SBF2: variants seen among roughly 807,000 people sequenced by gnomAD.
The protein encoded by SBF2 is SET binding factor 2.
In SBF2, 112 loss-of-function variants were observed where a neutral mutation model predicts 225.2. The observed-to-expected ratio is 0.50, with a 90% confidence interval of 0.43 to 0.58. The LOEUF is 0.58. Among genes scored for constraint, SBF2 ranks in the 20% least tolerant of loss-of-function variants. SBF2 has a pLI of 0.00. For synonymous variants in SBF2, 763 were observed against 773.3 expected (o/e 0.99, Z 0.22); for missense variants, 1,996 against 2,206.2 (o/e 0.90, Z 1.91).
intron 5 of SBF2, 91 bp from the exon 6 acceptor site, chr11:10,028,648 A>T (rs1949136232): frequency 3.5e-6 from 3 of 852,774 alleles, no homozygotes; most frequent in Non-Finnish European, 6.0e-6. Flanking sequence ...TTTTTAGAGC[A>T]AACGACCATG....
At chr11:9,904,211 A>G (rs1861949080) in intron 16 of SBF2, among the ~76,000 whole-genome samples, 1 of 151,734 alleles carries the variant, frequency 6.6e-6, no homozygotes, top group African/African-American at 2.4e-5. Context: ...TATAAACAAC[A>G]TATATATATA....
At chr11:10,036,535 C>A (rs901205898) in intron 3 of SBF2, among the ~76,000 whole-genome samples, 1 of 152,078 alleles carries the variant, frequency 6.6e-6, no homozygotes, top group Non-Finnish European at 1.5e-5. Flanking sequence ...ATATAGTTAA[C>A]ATGACAGAAT....
intron 2 of SBF2, among the ~76,000 whole-genome samples, chr11:10,081,317 T>A (rs1218612945): frequency 6.6e-6 from 1 of 152,146 alleles, no homozygotes. Context: ...AATATGCTCC[T>A]GAATGATCTA....
At chr11:9,922,241 C>T (rs1441156999) in intron 16 of SBF2, among the ~76,000 whole-genome samples, 2 of 151,854 alleles carry the variant, frequency 1.3e-5, no homozygotes, top group African/African-American at 4.8e-5. Context: ...CAGAGCAAGA[C>T]TCTGTCTCAA....
At chr11:10,002,820 T>C (rs898904996) in intron 6 of SBF2, 131 bp from the exon 7 acceptor site, 2 of 821,980 alleles carry the variant, frequency 2.4e-6, no homozygotes, top group Non-Finnish European at 4.1e-6. Context: ...TTGGTTAAAC[T>C]GTAAATTCCA....
chr11:10,170,059 A>G (rs1159511216), intron 2 of SBF2, among the ~76,000 whole-genome samples: 1 of 151,690 alleles, frequency 6.6e-6, no homozygotes, highest in Non-Finnish European at 1.5e-5. Flanking sequence ...CAGTTGTTTG[A>G]GCTCCTTATA....
intron 2 of SBF2, among the ~76,000 whole-genome samples, chr11:10,097,512 T>G (rs375033660): frequency 9.9e-5 from 15 of 152,152 alleles, no homozygotes; most frequent in African/African-American, 3.6e-4. Context: ...TTTAAAATAT[T>G]CCAAAACACA....
chr11:9,983,677 T>C (rs1432516385), intron 13 of SBF2, among the ~76,000 whole-genome samples: 1 of 152,130 alleles, frequency 6.6e-6, no homozygotes, highest in East Asian at 1.9e-4. Context: ...TGGAGCTCAC[T>C]GCACCCTCCG....
chr11:9,986,120 G>A (rs58417434), intron 13 of SBF2, among the ~76,000 whole-genome samples: 1,797 of 152,080 alleles, frequency 0.012, 39 homozygotes, highest in African/African-American at 0.04. Flanking sequence ...GGAAATTGAC[G>A]CCAAAAGGAA....
intron 3 of SBF2, among the ~76,000 whole-genome samples, chr11:10,034,674 G>T (rs966174847): frequency 6.6e-6 from 1 of 152,088 alleles, no homozygotes; most frequent in African/African-American, 2.4e-5. Flanking sequence ...TATAAAAGGA[G>T]GATAAAATTA....
At chr11:10,088,198 T>C in intron 2 of SBF2, among the ~76,000 whole-genome samples, 1 of 152,070 alleles carries the variant, frequency 6.6e-6, no homozygotes, top group African/African-American at 2.4e-5. Context: ...TAATTTTTTG[T>C]ATTTTTAGTA....
At chr11:10,003,408 T>C (rs1171276013) in intron 6 of SBF2, among the ~76,000 whole-genome samples, 7 of 151,510 alleles carry the variant, frequency 4.6e-5, no homozygotes, top group African/African-American at 1.7e-4. Context: ...TGCTCTGTCA[T>C]CGAGGTTGGA....
chr11:9,839,039 T>C (rs1333655141), intron 26 of SBF2: 1 of 211,628 alleles, frequency 4.7e-6, no homozygotes, highest in Non-Finnish European at 9.6e-6. Flanking sequence ...ACTCATTTCC[T>C]TACTGTCTGT....
chr11:9,969,547 T>A (rs899182388), intron 13 of SBF2, among the ~76,000 whole-genome samples: 1 of 152,190 alleles, frequency 6.6e-6, no homozygotes, highest in Non-Finnish European at 1.5e-5. Flanking sequence ...ACACAGAACT[T>A]CTTGTTCCTG....
At chr11:9,807,872 T>C in intron 32 of SBF2, 128 bp downstream of exon 32, 2 of 864,016 alleles carry the variant, frequency 2.3e-6, no homozygotes, top group Non-Finnish European at 3.8e-6. Flanking sequence ...GATTTCAGCA[T>C]GTCCTGTGGC....
intron 13 of SBF2, 110 bp downstream of exon 13, chr11:9,989,387 C>T: frequency 1.5e-6 from 1 of 666,392 alleles, no homozygotes; most frequent in South Asian, 2.0e-5. Context: ...CACAAATCAA[C>T]ACTAAAGAGC....
Position 9,790,642 on chromosome 11 carries a change from CT to C in SBF2, c.4611del (p.Gly1538GlufsTer28). 1.3e-6 allele frequency: 2 copies of C among 1,587,436 alleles called. No individual in the cohort carries two copies. Among genetic ancestry groups the C allele is most frequent in the Non-Finnish European group, 8.6e-7 (1 of 1,156,990 alleles). Reference protein sequence around the residue: ...FDDKGEKHAKKGVCIWECIDR... With the variant: ...FDDKGEKHAKXGVCIWECIDR... ...TCAATACATTCCCAAATACAGACTCCTTTTTTGGCATGCTTTTCTCCTTTAT... is the reference window on the plus strand; with the variant it reads ...TCAATACATTCCCAAATACAGACTCCTTTTTGGCATGCTTTTCTCCTTTAT... On this transcript the variant is annotated frameshift_variant, in exon 34 of 40. Transcript: ENST00000256190. LOFTEE classifies it high-confidence loss of function.
At chr11:9,863,546 C>A (rs1857936735) in intron 17 of SBF2, among the ~76,000 whole-genome samples, 1 of 152,150 alleles carries the variant, frequency 6.6e-6, no homozygotes, top group Non-Finnish European at 1.5e-5. Flanking sequence ...GCTAGCAAGT[C>A]CTCCTGTGAT....
At chr11:9,939,830 T>C (rs909847421) in intron 16 of SBF2, among the ~76,000 whole-genome samples, 2 of 152,174 alleles carry the variant, frequency 1.3e-5, no homozygotes, top group African/African-American at 4.8e-5. Context: ...GCCTGCACCA[T>C]GAAATATTAA....
Sources: allele counts gnomAD v4.1 joint callset (sites outside exome capture counted in the v4.1 genomes callset), GRCh38; gene constraint gnomAD v4.1.1; transcripts MANE v1.5; gene names NCBI Gene and HGNC (gene_info 2026-07-23, HGNC 2026-07-21).